DKK3: variants seen among roughly 807,000 people sequenced by gnomAD.
DKK3 encodes dickkopf-related protein 3.
A neutral mutation model predicts 33.2 loss-of-function variants in DKK3; 22 were observed. The ratio of observed to expected loss-of-function variants is 0.66; its 90% CI spans 0.47 to 0.95. DKK3 has a LOEUF of 0.95. Among genes scored for constraint, DKK3 ranks in the 40% least tolerant of loss-of-function variants. DKK3 has a pLI of 0.00. For synonymous variants in DKK3, 194 were observed against 188.8 expected (o/e 1.03, Z -0.23); for missense variants, 398 against 458.4 (o/e 0.87, Z 1.20).
At chr11:12,003,296 C>T (rs1848469085) in intron 1 of DKK3, among the ~76,000 whole-genome samples, 1 of 152,128 alleles carries the variant, frequency 6.6e-6, no homozygotes, top group African/African-American at 2.4e-5. Context: ...TCCTTCCCCA[C>T]CCTGCCTCTT....
intron 3 of DKK3, among the ~76,000 whole-genome samples, chr11:11,976,758 G>A (rs1373426541): frequency 6.6e-6 from 1 of 152,230 alleles, no homozygotes; most frequent in Non-Finnish European, 1.5e-5. Flanking sequence ...ACAGTGCCCT[G>A]AGGAAGAGCA....
rs1434384439 is a variant in DKK3, at chr11:11,965,874, C to G, written c.765G>C (p.Glu255Asp). 1 of 1,614,078 alleles carries G rather than the reference C, an allele frequency of 6.2e-7. No homozygotes were observed. Among genetic ancestry groups the G allele is most frequent in the African/African-American group, 1.3e-5 (1 of 74,954 alleles). ...ASRLLDLITW[E>D]LEPDGALDRC... ...GGTCCAAGGCTCCATCAGGCTCTAG[C>G]TCCCAGGTGATGAGGTCCAGAAGCC... The change falls in exon 6 of 7, where the codon GAG becomes GAC. Residue 255 changes from glutamate (E) to aspartate (D), a missense_variant. Coordinates refer to ENST00000683431, the MANE Select transcript of DKK3 (RefSeq NM_001018057.2).
chr11:11,973,217 C>T (rs7480815), intron 3 of DKK3, among the ~76,000 whole-genome samples: 68,637 of 152,110 alleles, frequency 0.45, 15,940 homozygotes, highest in Admixed American at 0.6. Context: ...CCCTACTTCA[C>T]AGATGTGGAA....
Position 11,998,880 on chromosome 11 carries a change from A to C in DKK3, c.352-101T>G, listed in dbSNP as rs1435585350. ...GTTTTCCATTTTCTGAAGCAGGAGC[A>C]TCCAGTATAGGAGTCGAAATGCCCA... On this transcript the variant is annotated intron_variant, in intron 2 of 6. Coordinates refer to ENST00000683431, the MANE Select transcript of DKK3 (RefSeq NM_001018057.2). 5 of 1,147,022 alleles carry C rather than the reference A, an allele frequency of 4.4e-6. No homozygotes were observed. In the African/African-American group the frequency reaches 7.6e-5, roughly 17 times the overall value. 71.1% of individuals were successfully genotyped at this position (1,147,022 alleles called of 1,614,324 possible).
chr11:11,965,206 T>C (rs1433544185), intron 6 of DKK3, among the ~76,000 whole-genome samples: 1 of 152,240 alleles, frequency 6.6e-6, no homozygotes, highest in East Asian at 1.9e-4. Context: ...TCCTCCTGCA[T>C]TGGCCTCCCA....
intron 3 of DKK3, among the ~76,000 whole-genome samples, chr11:11,969,568 T>C (rs1395293292): frequency 6.6e-6 from 1 of 151,836 alleles, no homozygotes; most frequent in Non-Finnish European, 1.5e-5. Flanking sequence ...TAGCAGCCAG[T>C]GGTGAGAAGG....
At chr11:11,968,035 C>T (rs755555727) in intron 4 of DKK3, among the ~76,000 whole-genome samples, 33 of 152,116 alleles carry the variant, frequency 2.2e-4, no homozygotes, top group Non-Finnish European at 1.2e-4. Context: ...CTCCCCTTCT[C>T]GAACTCCCGG....
intron 3 of DKK3, 109 bp from the exon 4 acceptor site, chr11:11,968,596 G>T (rs904701739): frequency 3.8e-5 from 41 of 1,067,616 alleles, no homozygotes; most frequent in Non-Finnish European, 5.2e-5. Context: ...GACCCCACAG[G>T]CTCAGCAGGG....
intron 3 of DKK3, among the ~76,000 whole-genome samples, chr11:11,977,473 T>C (rs1042886053): frequency 2.6e-5 from 4 of 151,548 alleles, no homozygotes; most frequent in Non-Finnish European, 5.9e-5. Context: ...GCATTTCCTC[T>C]GGAGAAGTTA....
chr11:11,964,481 C>A lies in DKK3; in HGVS notation c.1036G>T (p.Gly346Ter). Reference protein sequence around the residue: ...EPAAAAAALLGGEEI With the variant: ...EPAAAAAALL ...GTCCAGATCTAAATCTCTTCCCCTC[C>A]CAGCAGTGCAGCGGCGGCAGCCGCA... The change falls in exon 7 of 7, where the codon GGA (glycine) becomes TGA (stop). Residue 346 changes from glycine to a stop codon, truncating the protein, a stop_gained. Coordinates refer to ENST00000683431, the MANE Select transcript of DKK3 (RefSeq NM_001018057.2). LOFTEE classifies it high-confidence loss of function. 6.2e-7 allele frequency: 1 copy of A among 1,612,616 alleles called. No homozygotes were observed. The highest frequency in any genetic ancestry group is 1.1e-5 in the South Asian group (1 of 91,084).
chr11:11,986,103 C>T (rs556186350), intron 3 of DKK3, among the ~76,000 whole-genome samples: 1 of 152,272 alleles, frequency 6.6e-6, no homozygotes, highest in African/African-American at 2.4e-5. Flanking sequence ...TCTGCCCACC[C>T]CAGCCACCCG....
chr11:11,986,964 T>C (rs1163275326), intron 3 of DKK3, among the ~76,000 whole-genome samples: 1 of 152,214 alleles, frequency 6.6e-6, no homozygotes, highest in African/African-American at 2.4e-5. Context: ...TTTACATACT[T>C]ACAGCTCTTT....
At chr11:11,982,083 G>C (rs1382696717) in intron 3 of DKK3, among the ~76,000 whole-genome samples, 1 of 152,136 alleles carries the variant, frequency 6.6e-6, no homozygotes, top group African/African-American at 2.4e-5. Flanking sequence ...TCCATGGTGA[G>C]GGCCTCTTTT....
intron 3 of DKK3, among the ~76,000 whole-genome samples, chr11:11,982,228 C>G (rs1847970028): frequency 6.6e-6 from 1 of 152,098 alleles, no homozygotes; most frequent in Non-Finnish European, 1.5e-5. Flanking sequence ...GACAGTCCTC[C>G]TGAAAGAAAC....
intron 3 of DKK3, among the ~76,000 whole-genome samples, chr11:11,988,513 A>C (rs1171114179): frequency 6.6e-6 from 1 of 152,048 alleles, no homozygotes; most frequent in African/African-American, 2.4e-5. Context: ...CCCCTGGCCT[A>C]CCTCCCGGGA....
intron 3 of DKK3, among the ~76,000 whole-genome samples, chr11:11,977,471 T>C (rs1474953691): frequency 6.6e-6 from 1 of 151,582 alleles, no homozygotes. Context: ...TGGCATTTCC[T>C]CTGGAGAAGT....
intron 4 of DKK3, among the ~76,000 whole-genome samples, 181 bp from the exon 5 acceptor site, chr11:11,967,279 A>AT (rs1491312699): frequency 5.9e-5 from 9 of 152,220 alleles, no homozygotes; most frequent in Non-Finnish European, 1.5e-5. Context: ...CTGGCGAGAC[A>AT]TGGGGGTCAG....
intron 3 of DKK3, among the ~76,000 whole-genome samples, chr11:11,984,787 G>A (rs971102407): frequency 3.3e-5 from 5 of 152,098 alleles, no homozygotes; most frequent in East Asian, 1.9e-4. Context: ...GGGGGACGGC[G>A]CCTGGGATTC....
At chr11:11,988,962 T>C (rs1041132850) in intron 3 of DKK3, among the ~76,000 whole-genome samples, 7 of 152,222 alleles carry the variant, frequency 4.6e-5, no homozygotes, top group Non-Finnish European at 8.8e-5. Context: ...GGGAACGCAC[T>C]GCCTTATCCA....
Sources: gnomAD v4.1 joint callset for allele counts (sites outside exome capture counted in the v4.1 genomes callset) on GRCh38, gnomAD v4.1.1 for gene constraint, MANE v1.5 for transcripts, NCBI Gene and HGNC (gene_info 2026-07-23, HGNC 2026-07-21) for gene names.